SLC4A4: variants seen among roughly 807,000 people sequenced by gnomAD.
SLC4A4 encodes the protein solute carrier family 4 member 4.
Under a neutral mutation model 111.5 loss-of-function variants are expected in SLC4A4, and 27 were observed. That is an observed-to-expected ratio of 0.24 (90% CI 0.18 to 0.33). The LOEUF is 0.33. SLC4A4 is among the 10% of genes least tolerant of loss of function. SLC4A4 has a pLI of 1.00. For missense variants in SLC4A4, 909 were observed against 1,315.5 expected, an observed-to-expected ratio of 0.69 and a Z score of 4.78; for synonymous variants, 443 against 463.4, an observed-to-expected ratio of 0.96 and a Z score of 0.57.
intron 7 of SLC4A4, among the ~76,000 whole-genome samples, chr4:71,425,945 T>G (rs777642949): frequency 2.3e-4 from 35 of 152,000 alleles, no homozygotes; most frequent in Non-Finnish European, 4.4e-4. Context: ...GGAAAAGACC[T>G]GGAAAGGGAA....
intron 6 of SLC4A4, among the ~76,000 whole-genome samples, chr4:71,358,328 A>AG (rs1216923625): frequency 5.3e-5 from 8 of 151,872 alleles, no homozygotes; most frequent in Non-Finnish European, 7.4e-5. Context: ...AAAAAAAAAA[A>AG]AGAGAGAGAG....
intron 2 of SLC4A4, among the ~76,000 whole-genome samples, chr4:71,172,243 T>C (rs1744964869): frequency 1.3e-5 from 2 of 151,990 alleles, no homozygotes; most frequent in Non-Finnish European, 2.9e-5. Flanking sequence ...CTAGCATAGA[T>C]ATTTTCTTTT....
intron 3 of SLC4A4, among the ~76,000 whole-genome samples, chr4:71,299,775 A>G (rs1045830466): frequency 6.6e-6 from 1 of 152,094 alleles, no homozygotes; most frequent in Non-Finnish European, 1.5e-5. Flanking sequence ...TCCTTCCTGC[A>G]TGAGAGTGGG....
intron 3 of SLC4A4, among the ~76,000 whole-genome samples, chr4:71,270,095 G>A (rs963070530): frequency 1.3e-5 from 2 of 152,116 alleles, no homozygotes; most frequent in African/African-American, 4.8e-5. Flanking sequence ...TATGACCTTT[G>A]GTTGTTTTTG....
At chr4:71,454,346 A>T (rs1726028510) in intron 12 of SLC4A4, among the ~76,000 whole-genome samples, 1 of 152,214 alleles carries the variant, frequency 6.6e-6, no homozygotes, top group Non-Finnish European at 1.5e-5. Context: ...TCCACCAACC[A>T]GAAAAATATG....
chr4:71,487,060 A>C (rs998690671), intron 15 of SLC4A4, 42 bp downstream of exon 15: 1 of 1,143,364 alleles, frequency 8.7e-7, no homozygotes, highest in East Asian at 2.4e-5. Context: ...TACTGACTGC[A>C]TATTGTATAC....
At chr4:71,103,528 T>G (rs1346487664) in intron 2 of SLC4A4, among the ~76,000 whole-genome samples, 1 of 151,696 alleles carries the variant, frequency 6.6e-6, no homozygotes, top group African/African-American at 2.4e-5. Flanking sequence ...GAAGTAAAGC[T>G]CTCCTCAGCA....
intron 2 of SLC4A4, among the ~76,000 whole-genome samples, chr4:71,111,507 C>T (rs1743083988): frequency 7.1e-6 from 1 of 140,886 alleles, no homozygotes; most frequent in Non-Finnish European, 1.5e-5. Context: ...ATTACAGGTG[C>T]CTGCCACCAC....
intron 3 of SLC4A4, among the ~76,000 whole-genome samples, chr4:71,324,808 A>T (rs899363542): frequency 1.3e-5 from 2 of 152,012 alleles, no homozygotes; most frequent in African/African-American, 4.8e-5. Flanking sequence ...GATATTTCTT[A>T]AAAATGTCTG....
intron 1 of SLC4A4, among the ~76,000 whole-genome samples, chr4:71,085,196 A>G (rs1382533456): frequency 6.6e-6 from 1 of 152,074 alleles, no homozygotes; most frequent in African/African-American, 2.4e-5. Context: ...GGCTGCATAA[A>G]TGTCTTCTTT....
intron 6 of SLC4A4, among the ~76,000 whole-genome samples, chr4:71,375,822 G>T (rs941156360): frequency 2.6e-5 from 4 of 151,984 alleles, no homozygotes; most frequent in Non-Finnish European, 5.9e-5. Flanking sequence ...CTATATAGCT[G>T]CTTTCATGCT....
intron 3 of SLC4A4, among the ~76,000 whole-genome samples, chr4:71,271,873 C>T (rs180828194): frequency 6.6e-6 from 1 of 152,216 alleles, no homozygotes; most frequent in Non-Finnish European, 1.5e-5. Context: ...TTATTTAACC[C>T]TCATGAACAT....
chr4:71,216,130 A>G (rs553876435), intron 1 of SLC4A4, among the ~76,000 whole-genome samples: 3 of 152,106 alleles, frequency 2.0e-5, no homozygotes, highest in African/African-American at 7.2e-5. Flanking sequence ...GCTGGTCTCG[A>G]ACTCCTGGCC....
chr4:71,084,947 A>G (rs1742114883), intron 1 of SLC4A4, among the ~76,000 whole-genome samples: 1 of 152,066 alleles, frequency 6.6e-6, no homozygotes, highest in Non-Finnish European at 1.5e-5. Flanking sequence ...GTCAAATGGC[A>G]TTGCTTGCTA....
chr4:71,542,130 T>A (rs922790351), intron 18 of SLC4A4, among the ~76,000 whole-genome samples: 1 of 152,122 alleles, frequency 6.6e-6, no homozygotes, highest in Admixed American at 6.5e-5. Flanking sequence ...CTTTTACCAT[T>A]CTGTTCAACA....
chr4:71,423,590 A>G (rs975847738), intron 7 of SLC4A4, among the ~76,000 whole-genome samples: 2 of 152,146 alleles, frequency 1.3e-5, no homozygotes, highest in African/African-American at 2.4e-5. Context: ...ACTTCAAACT[A>G]TACTACAAGG....
intron 13 of SLC4A4, among the ~76,000 whole-genome samples, chr4:71,469,147 A>G (rs1028106508): frequency 6.6e-6 from 1 of 151,990 alleles, no homozygotes; most frequent in African/African-American, 2.4e-5. Flanking sequence ...TTATTTTTAC[A>G]CATTTTATCA....
At chr4:71,317,004 A>G (rs905206054) in intron 3 of SLC4A4, among the ~76,000 whole-genome samples, 1 of 151,846 alleles carries the variant, frequency 6.6e-6, no homozygotes, top group African/African-American at 2.4e-5. Flanking sequence ...ACAGGCGTGC[A>G]CCAGTATGTC....
chr4:71,122,611 A>G (rs1031570125), intron 2 of SLC4A4, among the ~76,000 whole-genome samples: 2 of 152,112 alleles, frequency 1.3e-5, no homozygotes, highest in African/African-American at 4.8e-5. Flanking sequence ...GGTGAGATGT[A>G]GGACCTAAAA....
Sources: gnomAD v4.1 joint callset for allele counts (sites outside exome capture counted in the v4.1 genomes callset) on GRCh38, gnomAD v4.1.1 for gene constraint, MANE v1.5 for transcripts, NCBI Gene and HGNC (gene_info 2026-07-23, HGNC 2026-07-21) for gene names.